ATE1: variants seen among roughly 807,000 people sequenced by gnomAD.
ATE1 encodes the protein arginyl-tRNA--protein transferase 1.
ATE1 carries 36 observed loss-of-function variants against 70.5 expected under a neutral mutation model. The observed-to-expected ratio is 0.51, with a 90% CI of 0.39 to 0.67. The LOEUF is 0.67. ATE1 is among the 30% of genes least tolerant of loss of function. The probability of loss-of-function intolerance (pLI) is 0.00; values close to 1 mark genes in which losing one functional copy is unlikely to be tolerated. For missense variants in ATE1, 593 were observed against 629.5 expected (o/e 0.94, Z 0.62); for synonymous variants, 232 against 219.3 (o/e 1.06, Z -0.51).
At chr10:121,764,236 T>G (rs745397207) in intron 11 of ATE1, among the ~76,000 whole-genome samples, 3 of 151,362 alleles carry the variant, frequency 2.0e-5, no homozygotes, top group Non-Finnish European at 2.9e-5. Context: ...TTAAAAAAAA[T>G]GTAAGCCATT....
intron 10 of ATE1, among the ~76,000 whole-genome samples, chr10:121,798,523 CTT>C (rs1946746306): frequency 6.6e-6 from 1 of 152,204 alleles, no homozygotes; most frequent in African/African-American, 2.4e-5. Flanking sequence ...ACAATAATTA[CTT>C]CTCTCTGTAT....
intron 7 of ATE1, among the ~76,000 whole-genome samples, chr10:121,875,399 G>T (rs1300778789): frequency 1.4e-5 from 2 of 146,522 alleles, no homozygotes; most frequent in Non-Finnish European, 3.0e-5. Flanking sequence ...CCGCCTCTCA[G>T]GTTCAAGCGA....
chr10:121,916,697 T>C (rs1437238241), intron 3 of ATE1, among the ~76,000 whole-genome samples: 6 of 152,036 alleles, frequency 3.9e-5, no homozygotes, highest in African/African-American at 1.4e-4. Context: ...TAGCCAGGTA[T>C]GGTGGCACAT....
intron 8 of ATE1, among the ~76,000 whole-genome samples, chr10:121,844,474 G>C (rs970910597): frequency 3.3e-5 from 5 of 152,116 alleles, no homozygotes; most frequent in African/African-American, 9.7e-5. Flanking sequence ...AGAGTAATAG[G>C]AACTCTCATT....
In ATE1 at chr10:121,907,183, G is replaced by A. The variant is rs376137796; in HGVS notation, c.583+3723C>T. 1.6e-4 allele frequency among the ~76,000 whole-genome samples: 24 copies of A among 152,212 alleles called. No homozygotes were observed. In the East Asian group the frequency reaches 3.7e-3, roughly 23 times the overall value. ...AAGATAAAAAGGTATGGCTGGGCAC[G>A]GTGGCTCATGCCTGTAATCCCAGCA... On this transcript the variant is annotated intron_variant, in intron 5 of 11. Coordinates refer to ENST00000224652, the MANE Select transcript of ATE1 (RefSeq NM_001001976.3).
chr10:121,779,945 G>T (rs1419056260), intron 11 of ATE1, among the ~76,000 whole-genome samples: 1 of 152,016 alleles, frequency 6.6e-6, no homozygotes, highest in African/African-American at 2.4e-5. Context: ...CCACACTCTG[G>T]GCTTCCTCTT....
chr10:121,910,461 C>T (rs1951376674), intron 5 of ATE1, among the ~76,000 whole-genome samples: 1 of 151,416 alleles, frequency 6.6e-6, no homozygotes, highest in Admixed American at 6.6e-5. Context: ...AAAATCTGGA[C>T]ATTTTAAAAC....
At chr10:121,846,975 C>T (rs1418871024) in intron 8 of ATE1, among the ~76,000 whole-genome samples, 20 of 152,112 alleles carry the variant, frequency 1.3e-4, no homozygotes, top group Admixed American at 1.3e-3. Context: ...AGTGAATGGA[C>T]ACCAATATTC....
intron 8 of ATE1, among the ~76,000 whole-genome samples, chr10:121,853,299 G>A (rs891720927): frequency 4.0e-5 from 6 of 148,378 alleles, no homozygotes; most frequent in African/African-American, 1.5e-4. Context: ...AGAAGGTGGA[G>A]CTTGCAGTGA....
chr10:121,915,752 G>A (rs577866267), intron 3 of ATE1, among the ~76,000 whole-genome samples: 1 of 151,648 alleles, frequency 6.6e-6, no homozygotes, highest in South Asian at 2.1e-4. Flanking sequence ...TTAGCCAGGC[G>A]TGGTGGCGGG....
chr10:121,785,907 G>T (rs186161721), intron 11 of ATE1, among the ~76,000 whole-genome samples: 1 of 152,130 alleles, frequency 6.6e-6, no homozygotes, highest in African/African-American at 2.4e-5. Context: ...AGAACAGAAT[G>T]AAATGTAAAC....
intron 3 of ATE1, among the ~76,000 whole-genome samples, chr10:121,914,564 G>A (rs1031510953): frequency 6.6e-6 from 1 of 151,928 alleles, no homozygotes; most frequent in Admixed American, 6.6e-5. Flanking sequence ...AGGGATTGGT[G>A]ACACCTCATA....
intron 3 of ATE1, among the ~76,000 whole-genome samples, chr10:121,915,733 C>CA (rs1951624858): frequency 6.7e-6 from 1 of 149,230 alleles, no homozygotes; most frequent in African/African-American, 2.5e-5. Context: ...AATAAAAATA[C>CA]AAAAAAAATT....
rs1475057067 is a variant in ATE1 at position 121,740,670 on chromosome 10, C to G, written c.*3010G>C. On this transcript the variant is annotated 3_prime_UTR_variant, in exon 12 of 12. Transcript: ENST00000224652. ...TAGTTAACTGTTTCATATTCCTTAT[C>G]TTTATTCATACTGAAATAATATAAA... The G allele has an allele frequency of 1.3e-5, 2 of 152,154 alleles. No individual in the cohort carries two copies. Among genetic ancestry groups the G allele is most frequent in the Admixed American group, 6.5e-5 (1 of 15,282 alleles). The allele number at this position is 152,154 out of a possible 1,614,324, so 9.4% of individuals were successfully genotyped here.
chr10:121,823,729 G>A (rs1048967142), intron 10 of ATE1, among the ~76,000 whole-genome samples: 69 of 152,174 alleles, frequency 4.5e-4, no homozygotes, highest in African/African-American at 1.5e-3. Context: ...TCATTGTAAA[G>A]AGAGAGATTA....
chr10:121,797,388 C>T (rs1946699665), intron 10 of ATE1, among the ~76,000 whole-genome samples: 1 of 152,064 alleles, frequency 6.6e-6, no homozygotes, highest in Non-Finnish European at 1.5e-5. Context: ...CAATTCAGCA[C>T]TTTTTGTTTT....
intron 7 of ATE1, among the ~76,000 whole-genome samples, chr10:121,898,120 G>A (rs1950847914): frequency 6.6e-6 from 1 of 151,848 alleles, no homozygotes; most frequent in South Asian, 2.1e-4. Context: ...CTGTGACAAC[G>A]ATGCCATCTC....
Position 121,812,916 on chromosome 10 carries a change from A to T in ATE1, c.1258-22627T>A, listed in dbSNP as rs988271140. ...ATCTCAGTTTTCATTGATATAGGCC[A>T]AAACAGCTGAGACATCCTCTGTTTC... is the stretch of plus-strand genomic sequence containing the variant. On this transcript the variant is annotated intron_variant, in intron 10 of 11. Transcript: ENST00000224652. Among the ~76,000 whole-genome samples, 23 of 152,352 alleles carry T rather than the reference A, an allele frequency of 1.5e-4. 1 individual carries two copies. The highest frequency in any genetic ancestry group is 5.0e-4 in the African/African-American group (21 of 41,590).
At chr10:121,919,481 A>C (rs908613420) in intron 3 of ATE1, among the ~76,000 whole-genome samples, 13 of 152,082 alleles carry the variant, frequency 8.5e-5, no homozygotes, top group Non-Finnish European at 1.2e-4. Flanking sequence ...GAATCGCTTG[A>C]ACACGGGAGG....
Sources: gnomAD v4.1 joint callset for allele counts (sites outside exome capture counted in the v4.1 genomes callset) on GRCh38, gnomAD v4.1.1 for gene constraint, MANE v1.5 for transcripts, NCBI Gene and HGNC (gene_info 2026-07-23, HGNC 2026-07-21) for gene names.